PHACTR2: variants seen among roughly 807,000 people sequenced by gnomAD.
PHACTR2 encodes chromosome 6 open reading frame 56.
PHACTR2 carries 30 observed loss-of-function variants against 76.0 expected under a neutral mutation model. That is an observed-to-expected ratio of 0.39 (90% CI 0.30 to 0.54). The LOEUF (loss-of-function observed/expected upper bound fraction) is 0.54, where lower values mean the gene tolerates loss of function less well. PHACTR2 is among the 20% of genes least tolerant of loss of function. The pLI is 0.61. For missense variants in PHACTR2, 696 were observed against 781.1 expected (o/e 0.89, Z 1.30); for synonymous variants, 292 against 292.5 (o/e 1.00, Z 0.02).
chr6:143,693,273 C>A (rs13193972), intron 1 of PHACTR2, among the ~76,000 whole-genome samples: 2 of 151,782 alleles, frequency 1.3e-5, no homozygotes, highest in Non-Finnish European at 1.5e-5. Context: ...AGTCTTACTC[C>A]ATCACCCAGG....
Position 143,653,609 on chromosome 6 carries a change from C to A in PHACTR2, c.13+45287C>A, listed in dbSNP as rs982366010. Among the ~76,000 whole-genome samples, 2 of 151,460 alleles carry A rather than the reference C, an allele frequency of 1.3e-5. No individual in the cohort carries two copies. The highest frequency in any genetic ancestry group is 2.9e-5 in the Non-Finnish European group (2 of 67,938). On this transcript the variant is annotated intron_variant, in intron 1 of 11. Transcript: ENST00000305766. The surrounding 1 kb of genome is among the most constrained non-coding windows in gnomAD (Gnocchi z 4.9). ...TGTCAACAAGGATGCCAAGACAATTCAATGGGGAAAGAAATGTCTTATCAG... is the reference window on the plus strand; with the variant it reads ...TGTCAACAAGGATGCCAAGACAATTAAATGGGGAAAGAAATGTCTTATCAG...
At chr6:143,808,127 AT>A (rs35192258) in intron 12 of PHACTR2, among the ~76,000 whole-genome samples, 44,336 of 130,304 alleles carry the variant, frequency 0.34, 5,999 homozygotes, top group South Asian at 0.43. Context: ...ACAATCCAAA[AT>A]TTTTTTTTTT....
Position 143,653,067 on chromosome 6 carries a change from C to T in PHACTR2, c.13+44745C>T, listed in dbSNP as rs573811169. ...CAAGAGAATTGTACTTGATGGCACA[C>T]GGTGTGATGGTTGCCTCACTGCCAG... On this transcript the variant is annotated intron_variant, in intron 1 of 11. Transcript: ENST00000305766. The surrounding 1 kb of genome is among the most constrained non-coding windows in gnomAD (Gnocchi z 4.9). Among the ~76,000 whole-genome samples, 22 of 152,324 alleles carry T rather than the reference C, an allele frequency of 1.4e-4. No individual in the cohort carries two copies. Among genetic ancestry groups the T allele is most frequent in the Non-Finnish European group, 2.8e-4 (19 of 68,028 alleles).
chr6:143,576,831 G>T (rs11155302), intron 1 of PHACTR2, among the ~76,000 whole-genome samples: 1 of 143,278 alleles, frequency 7.0e-6, no homozygotes, highest in South Asian at 2.2e-4. Context: ...AGCCGAACTC[G>T]TACCACTACA....
intron 11 of PHACTR2, among the ~76,000 whole-genome samples, chr6:143,796,399 CTTTCTTTCTTTCTTTCTTTG>C (rs947344960): frequency 1.1e-4 from 16 of 148,734 alleles, no homozygotes; most frequent in East Asian, 1.1e-3. Flanking sequence ...TTCTTTCTTT[CTTTCTTTCTTTCTTTCTTTG>C]TTTTTATTAT....
Position 143,642,077 on chromosome 6 carries a change from G to C in PHACTR2, c.13+33755G>C, listed in dbSNP as rs1376099925. On this transcript the variant is annotated intron_variant, in intron 1 of 11. Coordinates refer to the PHACTR2 transcript ENST00000305766. ...TTAATAATACCAGATCCTTGATTCA[G>C]AATGTCCTTTCCATTCCACATACTA... Among the ~76,000 whole-genome samples the C allele has an allele frequency of 5.9e-5, 9 of 152,136 alleles. No homozygotes were observed. The East Asian group carries it at 1.7e-3, about 29-fold the overall frequency.
intron 1 of PHACTR2, among the ~76,000 whole-genome samples, chr6:143,538,654 C>G (rs1019464134): frequency 3.9e-4 from 59 of 152,236 alleles, no homozygotes; most frequent in Non-Finnish European, 3.2e-4. Context: ...GCTGAGCTTC[C>G]TGTTCAAAAA....
chr6:143,577,827 A>G (rs980030597), intron 1 of PHACTR2, among the ~76,000 whole-genome samples: 3 of 152,140 alleles, frequency 2.0e-5, no homozygotes, highest in Non-Finnish European at 2.9e-5. Context: ...GCACCTGTTT[A>G]GGTAGCTTAC....
intron 1 of PHACTR2, among the ~76,000 whole-genome samples, chr6:143,540,371 T>C (rs191325314): frequency 6.6e-6 from 1 of 152,274 alleles, no homozygotes; most frequent in East Asian, 1.9e-4. Context: ...CAGACCATCC[T>C]TGCTACCTGC....
In PHACTR2 at chr6:143,819,994, G is replaced by C. The variant is rs116376727; in HGVS notation, c.1923-3680G>C. On this transcript the variant is annotated intron_variant, in intron 12 of 12. Transcript: ENST00000440869. This position sits in a 1 kb window ranked among gnomAD's most constrained non-coding sequence, Gnocchi z 5.0. ...CCTCCAATCACGGCAGAAAGCGAAG[G>C]GGGAGCAGGCACATCACATGGCAAG... 3.9e-5 allele frequency among the ~76,000 whole-genome samples: 6 copies of C among 152,166 alleles called. No individual in the cohort carries two copies. The highest frequency in any genetic ancestry group is 8.8e-5 in the Non-Finnish European group (6 of 68,028).
In PHACTR2 at chr6:143,539,532, C is replaced by T. The variant is rs1345229564; in HGVS notation, c.217+2325C>T. Among the ~76,000 whole-genome samples, 1 of 152,162 alleles carries T rather than the reference C, an allele frequency of 6.6e-6. No individual in the cohort carries two copies. The highest frequency in any genetic ancestry group is 1.5e-5 in the Non-Finnish European group (1 of 68,034). On this transcript the variant is annotated intron_variant, in intron 1 of 11. Coordinates refer to the PHACTR2 transcript ENST00000367584. The surrounding 1 kb of genome is among the most constrained non-coding windows in gnomAD (Gnocchi z 4.3). ...TCTGAGAATCAGCAAGATGACTGTG[C>T]TGGGATCTCTGAATTATCTCAGAGG...
In PHACTR2 at chr6:143,826,739, T is replaced by TAATTTCACTTCA. The variant is rs1440297842; in HGVS notation, c.*3050_*3051insAATTTCACTTCA. On this transcript the variant is annotated 3_prime_UTR_variant, in exon 13 of 13. Coordinates refer to ENST00000440869, the MANE Select transcript of PHACTR2 (RefSeq NM_001100164.2). ...AGGCAGCTTGCCTGATAATTTCCTG[T>TAATTTCACTTCA]GTTATGTGAAGTGTCTTGCACTTTC... The TAATTTCACTTCA allele has an allele frequency of 6.6e-6, 1 of 152,184 alleles. No individual in the cohort carries two copies. Among genetic ancestry groups the TAATTTCACTTCA allele is most frequent in the Admixed American group, 6.5e-5 (1 of 15,282 alleles). 9.4% of individuals were successfully genotyped at this position (152,184 alleles called of 1,614,324 possible).
chr6:143,820,960 T>C lies in PHACTR2; in HGVS notation c.1923-2714T>C, dbSNP rs1197633926. On this transcript the variant is annotated intron_variant, in intron 12 of 12. Coordinates refer to ENST00000440869, the MANE Select transcript of PHACTR2 (RefSeq NM_001100164.2). This position sits in a 1 kb window ranked among gnomAD's most constrained non-coding sequence, Gnocchi z 4.2. ...TGCAGGCTTAACATCATGTAGAAGC[T>C]GTCAAGGCTTTCAGCTTGCACCCTC... Among the ~76,000 whole-genome samples the C allele has an allele frequency of 1.3e-5, 2 of 152,254 alleles. No individual in the cohort carries two copies. Among genetic ancestry groups the C allele is most frequent in the Admixed American group, 1.3e-4 (2 of 15,286 alleles).
At chr6:143,629,059 G>A (rs970832029) in intron 1 of PHACTR2, among the ~76,000 whole-genome samples, 5 of 149,504 alleles carry the variant, frequency 3.3e-5, no homozygotes, top group African/African-American at 1.2e-4. Flanking sequence ...CACATGTTCA[G>A]TAAGTACAGA....
Position 143,765,219 on chromosome 6 carries a change from T to C in PHACTR2, c.695-42T>C, listed in dbSNP as rs768607910. The C allele has an allele frequency of 1.4e-6, 2 of 1,474,474 alleles. No individual in the cohort carries two copies. Among genetic ancestry groups the C allele is most frequent in the South Asian group, 2.5e-5 (2 of 81,560 alleles). The allele number at this position is 1,474,474 out of a possible 1,614,324, so 91.3% of individuals were successfully genotyped here. ...CTTGGTTACTTTATTTTAAAAAGCA[T>C]TGTATTCTTTGATTTTTTAATGCAA... On this transcript the variant is annotated intron_variant, in intron 5 of 12. Coordinates refer to ENST00000440869, the MANE Select transcript of PHACTR2 (RefSeq NM_001100164.2). This position sits in a 1 kb window ranked among gnomAD's most constrained non-coding sequence, Gnocchi z 4.1.
intron 4 of PHACTR2, among the ~76,000 whole-genome samples, chr6:143,759,229 C>A (rs1779374743): frequency 6.6e-6 from 1 of 152,228 alleles, no homozygotes; most frequent in Non-Finnish European, 1.5e-5. Flanking sequence ...TGAGAAGCTG[C>A]TATTCTTAGG....
At chr6:143,630,537 A>C (rs927788455) in intron 1 of PHACTR2, among the ~76,000 whole-genome samples, 1 of 152,220 alleles carries the variant, frequency 6.6e-6, no homozygotes, top group African/African-American at 2.4e-5. Flanking sequence ...TTAATCCTTC[A>C]TAGGGTCGTT....
rs1775916694 is a variant in PHACTR2 at position 143,800,034 on chromosome 6, C to G, written c.1846-7023C>G. ...GGAGTCTAAGTTTCTTTGTAAGTCT[C>G]TAAGAACTTGCTTTATGAATCTGGT... On this transcript the variant is annotated intron_variant, in intron 11 of 12. Coordinates refer to ENST00000440869, the MANE Select transcript of PHACTR2 (RefSeq NM_001100164.2). This position sits in a 1 kb window ranked among gnomAD's most constrained non-coding sequence, Gnocchi z 4.8. Among the ~76,000 whole-genome samples, 2 of 152,252 alleles carry G rather than the reference C, an allele frequency of 1.3e-5. No individual in the cohort carries two copies. Among genetic ancestry groups the G allele is most frequent in the Admixed American group, 1.3e-4 (2 of 15,280 alleles).
At chr6:143,704,087 G>GTGTGTGTC (rs1777982301) in intron 1 of PHACTR2, among the ~76,000 whole-genome samples, 1 of 131,852 alleles carries the variant, frequency 7.6e-6, no homozygotes, top group African/African-American at 3.0e-5. Flanking sequence ...GTGTGTGTGT[G>GTGTGTGTC]TGTGTGTCTG....
Sources: allele counts gnomAD v4.1 joint callset (sites outside exome capture counted in the v4.1 genomes callset), GRCh38; gene constraint gnomAD v4.1.1; non-coding constraint Gnocchi (gnomAD v3.1); transcripts MANE v1.5; gene names NCBI Gene and HGNC (gene_info 2026-07-23, HGNC 2026-07-21).